Variants in GRAMD1B observed in about 807,000 individuals in gnomAD.
GRAMD1B encodes GRAM domain containing 1B.
A neutral mutation model predicts 99.7 loss-of-function variants in GRAMD1B; 37 were observed. That is an observed-to-expected ratio of 0.37 (90% CI 0.29 to 0.49). The LOEUF is 0.49. Among genes scored for constraint, GRAMD1B ranks in the 20% least tolerant of loss-of-function variants. The pLI, the probability that GRAMD1B is intolerant of heterozygous loss-of-function variation, is 0.98. For synonymous variants in GRAMD1B, 427 were observed against 387.6 expected (o/e 1.10, Z -1.19); for missense variants, 888 against 1,009.2 (o/e 0.88, Z 1.63).
intron 2 of GRAMD1B, among the ~76,000 whole-genome samples, chr11:123,559,221 A>C (rs1946449202): frequency 6.6e-6 from 1 of 152,156 alleles, no homozygotes; most frequent in Non-Finnish European, 1.5e-5. Context: ...TAGGGGATTA[A>C]AGTTTCCCAG....
intron 7 of GRAMD1B, chr11:123,598,305 AG>A (rs1951536328): frequency 7.9e-7 from 1 of 1,270,674 alleles, no homozygotes. Flanking sequence ...GCCAAGTGGC[AG>A]GTTTTTGGGG....
Position 123,387,861 on chromosome 11 carries a change from C to T in GRAMD1B, c.-176+29062C>T, listed in dbSNP as rs375425091. Among the ~76,000 whole-genome samples, 32 of 152,108 alleles carry T rather than the reference C, an allele frequency of 2.1e-4. No individual in the cohort carries two copies. The East Asian group carries it at 2.1e-3, about 10-fold the overall frequency. On this transcript the variant is annotated intron_variant, in intron 1 of 20. Transcript: ENST00000638157. ...ATGGTTGGCCGGGTGTGGTGGCTCA[C>T]GCCTGTAATCCCAGCACTTTGGGAG...
At chr11:123,494,913 G>A (rs2135078979) in intron 2 of GRAMD1B, among the ~76,000 whole-genome samples, 1 of 152,272 alleles carries the variant, frequency 6.6e-6, no homozygotes, top group South Asian at 2.1e-4. Context: ...CCAGGGTTGA[G>A]ATGAAGTCAG....
chr11:123,549,318 G>A (rs1945379972), intron 2 of GRAMD1B, among the ~76,000 whole-genome samples: 1 of 152,162 alleles, frequency 6.6e-6, no homozygotes, highest in Non-Finnish European at 1.5e-5. Flanking sequence ...GCCGAGGTGG[G>A]TGGATCACGA....
chr11:123,521,850 G>A (rs897908792), intron 2 of GRAMD1B, among the ~76,000 whole-genome samples: 2 of 152,164 alleles, frequency 1.3e-5, no homozygotes, highest in Admixed American at 6.5e-5. Context: ...AGTGTGCTCT[G>A]GGAGGCCATG....
rs79450651 is a variant in GRAMD1B, at chr11:123,595,142, G to A, written c.873+304G>A. ...GGAGGAGGCATAGTCAAGTAGAAAG[G>A]GCTTTGGCCTTGGGACTTTAAAGAA... On this transcript the variant is annotated intron_variant, in intron 6 of 19. Transcript: ENST00000635736. Among the ~76,000 whole-genome samples, 625 of 152,228 alleles carry A rather than the reference G, an allele frequency of 4.1e-3. 4 individuals are homozygous for A. Among genetic ancestry groups the A allele is most frequent in the South Asian group, 0.014 (67 of 4,820 alleles).
At chr11:123,414,475 T>C (rs924561924) in intron 1 of GRAMD1B, among the ~76,000 whole-genome samples, 16 of 152,206 alleles carry the variant, frequency 1.1e-4, no homozygotes, top group African/African-American at 3.1e-4. Flanking sequence ...CCTTCTGTGA[T>C]AGTACCAGTA....
chr11:123,455,512 T>C (rs1343779278), intron 1 of GRAMD1B, among the ~76,000 whole-genome samples: 2 of 152,116 alleles, frequency 1.3e-5, no homozygotes, highest in Admixed American at 1.3e-4. Flanking sequence ...TCCACTCAAT[T>C]GATCATTCAT....
At chr11:123,538,712 C>G (rs551302421) in intron 2 of GRAMD1B, among the ~76,000 whole-genome samples, 34 of 151,910 alleles carry the variant, frequency 2.2e-4, no homozygotes, top group Middle Eastern at 3.2e-3. Flanking sequence ...CTCTGCTTCC[C>G]GGGTTCAAGC....
At chr11:123,364,398 G>A (rs1011987944) in intron 1 of GRAMD1B, among the ~76,000 whole-genome samples, 2 of 152,230 alleles carry the variant, frequency 1.3e-5, no homozygotes, top group Non-Finnish European at 2.9e-5. Flanking sequence ...ATCGGCATGA[G>A]CCATCTGAGT....
intron 3 of GRAMD1B, among the ~76,000 whole-genome samples, chr11:123,582,558 T>C (rs1050256256): frequency 6.6e-6 from 1 of 152,078 alleles, no homozygotes; most frequent in Non-Finnish European, 1.5e-5. Context: ...GCTACTGGCC[T>C]CTAGTCACAT....
intron 1 of GRAMD1B, among the ~76,000 whole-genome samples, chr11:123,452,517 G>A (rs1393992538): frequency 6.6e-6 from 1 of 152,086 alleles, no homozygotes; most frequent in Non-Finnish European, 1.5e-5. Context: ...GTGGTGATGG[G>A]TACCTGTAAT....
intron 7 of GRAMD1B, among the ~76,000 whole-genome samples, chr11:123,596,494 T>C (rs1951288818): frequency 6.6e-6 from 1 of 152,238 alleles, no homozygotes; most frequent in Admixed American, 6.5e-5. Context: ...GAAAATGGAT[T>C]GTCCTTATCA....
upstream of GRAMD1B, among the ~76,000 whole-genome samples, chr11:123,427,340 G>T (rs1378251525): frequency 6.6e-6 from 1 of 152,144 alleles, no homozygotes; most frequent in Non-Finnish European, 1.5e-5. Context: ...CTGTGACCTT[G>T]GATAAACTAC....
Position 123,463,799 on chromosome 11 carries a change from C to T in GRAMD1B, c.375-17017C>T, listed in dbSNP as rs567180739. Reference sequence around the variant, plus strand: ...GAGAAAGTGGAGAGCACAACATGCACGAAGTTGCAGGAATGAATGTGCATG... The same window carrying T: ...GAGAAAGTGGAGAGCACAACATGCATGAAGTTGCAGGAATGAATGTGCATG... On this transcript the variant is annotated intron_variant, in intron 1 of 19. Transcript: ENST00000635736. Among the ~76,000 whole-genome samples, 34 of 152,240 alleles carry T rather than the reference C, an allele frequency of 2.2e-4. No individual in the cohort carries two copies. In the South Asian group the frequency reaches 7.0e-3, roughly 32 times the overall value.
chr11:123,394,024 T>G (rs980964188), intron 1 of GRAMD1B, among the ~76,000 whole-genome samples: 18 of 152,244 alleles, frequency 1.2e-4, no homozygotes, highest in African/African-American at 4.3e-4. Flanking sequence ...ATCCTTATTC[T>G]ACTCTTTTGC....
intron 1 of GRAMD1B, among the ~76,000 whole-genome samples, chr11:123,433,679 CGTGTGT>C (rs59262021): frequency 0.25 from 35,429 of 142,934 alleles, 5,257 homozygotes; most frequent in East Asian, 0.64. Context: ...ATGTTACGTG[CGTGTGT>C]GTGTGTGTGT....
At chr11:123,595,631 T>C (rs925727854) in intron 6 of GRAMD1B, among the ~76,000 whole-genome samples, 1 of 152,256 alleles carries the variant, frequency 6.6e-6, no homozygotes, top group South Asian at 2.1e-4. Flanking sequence ...TGCACCAATA[T>C]TCTGTGTTTC....
At chr11:123,451,035 G>A (rs1292295174) in intron 1 of GRAMD1B, among the ~76,000 whole-genome samples, 1 of 152,120 alleles carries the variant, frequency 6.6e-6, no homozygotes, top group South Asian at 2.1e-4. Flanking sequence ...GGAAAGAGGG[G>A]GTACTGATAC....
Sources: allele counts gnomAD v4.1 joint callset (sites outside exome capture counted in the v4.1 genomes callset), GRCh38; gene constraint gnomAD v4.1.1; transcripts MANE v1.5; gene names NCBI Gene and HGNC (gene_info 2026-07-23, HGNC 2026-07-21).